LCP2: variants seen among roughly 807,000 people sequenced by gnomAD.
LCP2 encodes the protein lymphocyte cytosolic protein 2, also known as 76 kDa tyrosine phosphoprotein.
A neutral mutation model predicts 74.5 loss-of-function variants in LCP2; 29 were observed. The observed-to-expected ratio is 0.39, with a 90% confidence interval of 0.29 to 0.53. The LOEUF (loss-of-function observed/expected upper bound fraction) is 0.53. LCP2 is among the 20% of genes least tolerant of loss of function. The pLI is 0.72. For missense variants in LCP2, 604 were observed against 634.6 expected, an observed-to-expected ratio of 0.95 and a Z score of 0.52; for synonymous variants, 228 against 229.5, an observed-to-expected ratio of 0.99 and a Z score of 0.06.
chr5:170,267,226 GC>G, intron 8 of LCP2, 151 bp from the exon 9 acceptor site: 1 of 738,070 alleles, frequency 1.4e-6, no homozygotes. Flanking sequence ...TACCGCAGTA[GC>G]CTCCTATCTG....
chr5:170,290,377 A>G (rs531343717), intron 2 of LCP2, among the ~76,000 whole-genome samples: 2 of 152,268 alleles, frequency 1.3e-5, no homozygotes, highest in African/African-American at 4.8e-5. Context: ...AGGGCAGTAA[A>G]TGTGCTTGTT....
chr5:170,280,397 C>T (rs1362079474), intron 3 of LCP2, among the ~76,000 whole-genome samples: 3 of 152,142 alleles, frequency 2.0e-5, no homozygotes, highest in Non-Finnish European at 2.9e-5. Context: ...AATCCTCCTT[C>T]CAAGGAACAA....
At chr5:170,268,256 GA>G (rs1405730399) in intron 8 of LCP2, 128 bp downstream of exon 8, 1 of 165,440 alleles carries the variant, frequency 6.0e-6, no homozygotes, top group East Asian at 1.7e-4. Context: ...CCAGCCGAGG[GA>G]AAAGATTATA....
rs567473132 is a variant in LCP2 at position 170,254,494 on chromosome 5, G to A, written c.1151-1281C>T. ...TCTCCTGAGCCACATCAACAGGATT[G>A]TTTAAGATGCTCCTTCCCTGTTTCT... On this transcript the variant is annotated intron_variant, in intron 17 of 20. Coordinates refer to ENST00000046794, the MANE Select transcript of LCP2 (RefSeq NM_005565.5). Among the ~76,000 whole-genome samples the A allele has an allele frequency of 7.9e-5, 12 of 152,290 alleles. No individual in the cohort carries two copies. The South Asian group carries it at 2.5e-3, about 32-fold the overall frequency.
In LCP2 at chr5:170,246,522, T is replaced by C. The variant is rs1426748661; in HGVS notation, c.*2175A>G. ...TTGGAATAGATTTCAGGGATCCCACTAATTTGTCCATACTTTTACTGTGTT... is the reference window on the plus strand; with the variant it reads ...TTGGAATAGATTTCAGGGATCCCACCAATTTGTCCATACTTTTACTGTGTT... On this transcript the variant is annotated 3_prime_UTR_variant, in exon 21 of 21. Transcript: ENST00000046794. The C allele has an allele frequency of 6.3e-6, 1 of 158,960 alleles. No homozygotes were observed. Among genetic ancestry groups the C allele is most frequent in the East Asian group, 1.8e-4 (1 of 5,530 alleles). 9.8% of individuals were successfully genotyped at this position (158,960 alleles called of 1,614,324 possible). A position where few individuals can be genotyped will look rare whatever the true frequency, so the allele number is the denominator to read the frequency against.
At chr5:170,262,597 A>T in intron 13 of LCP2, 38 bp downstream of exon 13, 1 of 1,492,942 alleles carries the variant, frequency 6.7e-7, no homozygotes, top group Non-Finnish European at 9.3e-7. Flanking sequence ...TCTGCCGGCC[A>T]CTGTGAGTGA....
chr5:170,272,615 T>TTTTTTTTTTTTTTTTTG (rs1761915869), intron 6 of LCP2, among the ~76,000 whole-genome samples: 1 of 121,930 alleles, frequency 8.2e-6, no homozygotes, highest in Non-Finnish European at 1.7e-5. Flanking sequence ...TTTTTTTTTT[T>TTTTTTTTTTTTTTTTTG]TTTTTTTTTT....
chr5:170,249,369 T>TAC (rs1761376170), intron 20 of LCP2, among the ~76,000 whole-genome samples: 1 of 122,234 alleles, frequency 8.2e-6, no homozygotes, highest in African/African-American at 2.7e-5. Context: ...TGTGTATATA[T>TAC]ATATATATAT....
intron 2 of LCP2, among the ~76,000 whole-genome samples, chr5:170,290,188 A>C (rs932253717): frequency 2.6e-5 from 4 of 152,174 alleles, no homozygotes; most frequent in African/African-American, 9.7e-5. Flanking sequence ...TTTGGAGTTA[A>C]GATTTATGGC....
intron 6 of LCP2, 84 bp downstream of exon 6, chr5:170,274,217 C>A: frequency 7.1e-7 from 1 of 1,410,986 alleles, no homozygotes. Flanking sequence ...AGCCCCGCTT[C>A]ACTTGGCTCC....
chr5:170,280,930 G>GGAGGC, intron 3 of LCP2, among the ~76,000 whole-genome samples: 2 of 152,276 alleles, frequency 1.3e-5, no homozygotes, highest in Middle Eastern at 6.8e-3. Context: ...CTTGAACCCA[G>GGAGGC]GAGGCGGAGG....
intron 2 of LCP2, among the ~76,000 whole-genome samples, chr5:170,290,825 C>T (rs75750847): frequency 0.039 from 5,946 of 151,904 alleles, 173 homozygotes; most frequent in Non-Finnish European, 0.064. Flanking sequence ...TCTCAAGCTC[C>T]TTTTCTCTTC....
At chr5:170,289,439 A>G (rs1762238297) in intron 2 of LCP2, among the ~76,000 whole-genome samples, 1 of 152,112 alleles carries the variant, frequency 6.6e-6, no homozygotes, top group Admixed American at 6.5e-5. Flanking sequence ...CATCTTAGCA[A>G]TGTGTTCACT....
At chr5:170,278,758 G>A (rs950531019) in intron 3 of LCP2, among the ~76,000 whole-genome samples, 9 of 152,088 alleles carry the variant, frequency 5.9e-5, no homozygotes, top group Non-Finnish European at 1.0e-4. Flanking sequence ...GGAGGCTGCC[G>A]GGGCTCGAAT....
intron 19 of LCP2, chr5:170,251,131 A>T: frequency 2.4e-6 from 1 of 413,854 alleles, no homozygotes; most frequent in Non-Finnish European, 4.3e-6. Flanking sequence ...TTCCAAGTCA[A>T]TCTCGTTAAA....
At chr5:170,261,173 A>T (rs779218459) in intron 13 of LCP2, 36 bp from the exon 14 acceptor site, 1 of 1,538,514 alleles carries the variant, frequency 6.5e-7, no homozygotes, top group Non-Finnish European at 9.0e-7. Context: ...AGAACTGAGC[A>T]TGAAGAGTTT....
At chr5:170,264,453 G>A (rs567129356) in intron 10 of LCP2, among the ~76,000 whole-genome samples, 2 of 152,314 alleles carry the variant, frequency 1.3e-5, no homozygotes, top group Middle Eastern at 3.4e-3. Flanking sequence ...TTTTCACAAC[G>A]TGATTTATTC....
At position 170,262,604 on chromosome 5, in the gene LCP2, G is replaced by A. The variant is rs139415976; in HGVS notation, c.926+31C>T. The stretch of plus-strand genomic sequence containing the variant: ...GCAGCCTGTCTGCCGGCCACTGTGA[G>A]TGACAAGCTCAAGCAACACCAGACA... On this transcript the variant is annotated intron_variant, in intron 13 of 20. Coordinates refer to ENST00000046794, the MANE Select transcript of LCP2 (RefSeq NM_005565.5). 51 of 1,538,980 alleles carry A rather than the reference G, an allele frequency of 3.3e-5. No homozygotes were observed. The African/African-American group carries it at 6.5e-4, about 20-fold the overall frequency.
intron 10 of LCP2, 115 bp from the exon 11 acceptor site, chr5:170,263,107 T>C: frequency 1.6e-6 from 2 of 1,242,748 alleles, no homozygotes; most frequent in South Asian, 2.7e-5. Context: ...TGATGGGGTT[T>C]AAGCATTAAA....
Sources: gnomAD v4.1 joint callset for allele counts (sites outside exome capture counted in the v4.1 genomes callset) on GRCh38, gnomAD v4.1.1 for gene constraint, MANE v1.5 for transcripts, NCBI Gene and HGNC (gene_info 2026-07-23, HGNC 2026-07-21) for gene names.